The following FBXO4 variants were observed in gnomAD, a reference collection of about 807,000 sequenced individuals.
FBXO4 encodes the protein F-box protein 4, also known as F-box only protein 4.
Under a neutral mutation model 43.7 loss-of-function variants are expected in FBXO4, and 36 were observed. The observed-to-expected ratio is 0.82, with a 90% CI of 0.63 to 1.09. The LOEUF (loss-of-function observed/expected upper bound fraction) is 1.09, where lower values mean the gene tolerates loss of function less well. FBXO4 is among the 50% of genes least tolerant of loss of function. The probability of loss-of-function intolerance (pLI) is 0.00; values close to 1 mark genes in which losing one functional copy is unlikely to be tolerated. For missense variants in FBXO4, 435 were observed against 474.1 expected, an observed-to-expected ratio of 0.92 and a Z score of 0.77; for synonymous variants, 180 against 165.6, an observed-to-expected ratio of 1.09 and a Z score of -0.67.
At chr5:41,946,286 A>C (rs78550645), downstream of FBXO4, among the ~76,000 whole-genome samples, 3,072 of 152,338 alleles carry the variant, frequency 0.02, 103 homozygotes, top group African/African-American at 0.065. Context: ...ATTTTTAAGT[A>C]AAAAGCAGAT....
intron 6 of FBXO4, among the ~76,000 whole-genome samples, chr5:41,939,834 ATTTTTTTTTTTTTTT>A (rs60238550): frequency 1.1e-3 from 85 of 79,330 alleles, no homozygotes; most frequent in South Asian, 8.3e-3. Flanking sequence ...ACAATTGGGG[ATTTTTTTTTTTTTTT>A]TTTTTTTTTT....
chr5:42,034,008 A>G, the FBXO4 span, among the ~76,000 whole-genome samples: 1 of 152,228 alleles, frequency 6.6e-6, no homozygotes, highest in Non-Finnish European at 1.5e-5. Context: ...CTAGTTATCC[A>G]CAGCCTCATC....
chr5:42,012,055 G>C, the FBXO4 span, among the ~76,000 whole-genome samples: 1 of 152,294 alleles, frequency 6.6e-6, no homozygotes, highest in East Asian at 1.9e-4. Flanking sequence ...GAATTGAGTA[G>C]GTTTCAGAAG....
At chr5:42,015,261 G>T in the FBXO4 span, among the ~76,000 whole-genome samples, 2 of 152,216 alleles carry the variant, frequency 1.3e-5, no homozygotes, top group Admixed American at 1.3e-4. Flanking sequence ...TGGGCATACT[G>T]TTGAGATTTT....
chr5:41,942,809 A>G (rs968179015), downstream of FBXO4, among the ~76,000 whole-genome samples: 9 of 152,104 alleles, frequency 5.9e-5, no homozygotes, highest in African/African-American at 1.9e-4. Flanking sequence ...AATTTATTAT[A>G]TTTGATCCTT....
chr5:42,013,130 C>T, the FBXO4 span, among the ~76,000 whole-genome samples: 1 of 151,952 alleles, frequency 6.6e-6, no homozygotes, highest in Non-Finnish European at 1.5e-5. Flanking sequence ...CATGGGGAGA[C>T]TCTATTTCTA....
At chr5:41,975,953 G>A in the FBXO4 span, among the ~76,000 whole-genome samples, 1 of 152,090 alleles carries the variant, frequency 6.6e-6, no homozygotes, top group African/African-American at 2.4e-5. Flanking sequence ...GCTTACAATC[G>A]TGGTGGAAGG....
chr5:41,971,198 A>G, the FBXO4 span, among the ~76,000 whole-genome samples: 1 of 138,162 alleles, frequency 7.2e-6, no homozygotes, highest in Non-Finnish European at 1.5e-5. Flanking sequence ...ATGTAAAACT[A>G]GAGAGAGGTG....
At chr5:41,958,036 C>T in the FBXO4 span, among the ~76,000 whole-genome samples, 1 of 151,840 alleles carries the variant, frequency 6.6e-6, no homozygotes, top group Admixed American at 6.6e-5. Flanking sequence ...TATATATATG[C>T]ATTGTAGAAT....
the FBXO4 span, among the ~76,000 whole-genome samples, chr5:41,977,225 T>C: frequency 6.6e-6 from 1 of 152,228 alleles, no homozygotes; most frequent in African/African-American, 2.4e-5. Context: ...ATATGAGCAC[T>C]TGGCTCCCTT....
the FBXO4 span, among the ~76,000 whole-genome samples, chr5:42,014,393 A>G: frequency 6.6e-6 from 1 of 152,190 alleles, no homozygotes; most frequent in Non-Finnish European, 1.5e-5. Context: ...AACATTGAAT[A>G]TGCTTTAGGA....
the FBXO4 span, among the ~76,000 whole-genome samples, chr5:41,981,962 A>G: frequency 7.2e-6 from 1 of 139,530 alleles, no homozygotes; most frequent in African/African-American, 2.7e-5. Context: ...AAGTGTTCTC[A>G]TTGTTCAATT....
At chr5:41,957,831 C>A in the FBXO4 span, among the ~76,000 whole-genome samples, 2 of 151,924 alleles carry the variant, frequency 1.3e-5, no homozygotes, top group African/African-American at 2.4e-5. Context: ...TATAATAGAA[C>A]AATACACTGA....
the FBXO4 span, among the ~76,000 whole-genome samples, chr5:41,972,073 T>C: frequency 1.3e-5 from 2 of 152,056 alleles, no homozygotes; most frequent in African/African-American, 4.8e-5. Context: ...CAACATAGTA[T>C]GAAAGTCCTA....
chr5:41,987,235 G>A, the FBXO4 span, among the ~76,000 whole-genome samples: 2 of 152,050 alleles, frequency 1.3e-5, no homozygotes, highest in Non-Finnish European at 2.9e-5. Flanking sequence ...AAGTAAAATG[G>A]AAATAATAAA....
At chr5:42,038,876 G>A in the FBXO4 span, among the ~76,000 whole-genome samples, 1 of 151,934 alleles carries the variant, frequency 6.6e-6, no homozygotes, top group Admixed American at 6.6e-5. Flanking sequence ...TTGTTTTTCT[G>A]TACCTGGATT....
chr5:42,032,293 G>A, the FBXO4 span, among the ~76,000 whole-genome samples: 1 of 152,090 alleles, frequency 6.6e-6, no homozygotes, highest in Non-Finnish European at 1.5e-5. Flanking sequence ...ACAAAGCCAG[G>A]AAGGCCTATG....
At chr5:42,026,608 G>C in the FBXO4 span, among the ~76,000 whole-genome samples, 3 of 151,914 alleles carry the variant, frequency 2.0e-5, no homozygotes, top group African/African-American at 4.8e-5. Context: ...TTGAATAACA[G>C]TGGTGACAAT....
the FBXO4 span, among the ~76,000 whole-genome samples, chr5:41,968,678 T>C: frequency 3.7e-4 from 57 of 152,332 alleles, no homozygotes; most frequent in African/African-American, 1.3e-3. Context: ...CACCTTTTTT[T>C]AAATATTCTG....
Sources: allele counts gnomAD v4.1 joint callset (sites outside exome capture counted in the v4.1 genomes callset), GRCh38; gene constraint gnomAD v4.1.1; transcripts MANE v1.5; gene names NCBI Gene and HGNC (gene_info 2026-07-23, HGNC 2026-07-21).